FBXL3: variants seen among roughly 807,000 people sequenced by gnomAD.
FBXL3 encodes F-box and leucine rich repeat protein 3, also known as F-box/LRR-repeat protein 3.
Under a neutral mutation model 37.9 loss-of-function variants are expected in FBXL3, and 14 were observed. That is an observed-to-expected ratio of 0.37 (90% CI 0.24 to 0.58). The LOEUF is 0.58. FBXL3 is among the 20% of genes least tolerant of loss of function. FBXL3 has a pLI of 0.74. For synonymous variants in FBXL3, 194 were observed against 180.1 expected, an observed-to-expected ratio of 1.08 and a Z score of -0.62; for missense variants, 327 against 511.1, an observed-to-expected ratio of 0.64 and a Z score of 3.47.
In FBXL3 at chr13:77,006,910, C is replaced by T. The variant is rs2034460905; in HGVS notation, c.*235G>A. On this transcript the variant is annotated 3_prime_UTR_variant, in exon 5 of 5. Transcript: ENST00000355619. ...TACGTATAACTGGTTATTTCACATC[C>T]GAACCACATTAAAAAAAATTCGGAG... 6 of 1,340,382 alleles carry T rather than the reference C, an allele frequency of 4.5e-6. No individual in the cohort carries two copies. Among genetic ancestry groups the T allele is most frequent in the Admixed American group, 3.4e-5 (1 of 29,560 alleles). 83.0% of individuals were successfully genotyped at this position (1,340,382 alleles called of 1,614,324 possible).
rs1269421805 is a variant in FBXL3, at chr13:77,005,479, AAAC to A, written c.*1663_*1665del. 6.6e-6 allele frequency: 1 copy of A among 152,584 alleles called. No individual in the cohort carries two copies. The highest frequency in any genetic ancestry group is 1.5e-5 in the Non-Finnish European group (1 of 67,976). The allele number at this position is 152,584 out of a possible 1,614,324, so 9.5% of individuals were successfully genotyped here. A position where few individuals can be genotyped will look rare whatever the true frequency, so the allele number is the denominator to read the frequency against. On this transcript the variant is annotated 3_prime_UTR_variant, in exon 5 of 5. Transcript: ENST00000355619. ...CATTTTTCCAAAGTTGTTCAAGGAA[AAAC>A]AACAACTTGACTAGCACAGGTAATT...
At position 77,021,774 on chromosome 13, in the gene FBXL3, C is replaced by T. The variant is rs774896308; in HGVS notation, c.87G>A (p.Glu29=). 1.2e-6 allele frequency: 2 copies of T among 1,613,672 alleles called. No individual in the cohort carries two copies. Among genetic ancestry groups the T allele is most frequent in the East Asian group, 2.2e-5 (1 of 44,888 alleles). The change falls in exon 2 of 5, where the codon GAG becomes GAA. Residue 29 remains glutamate (E), a synonymous_variant. Transcript: ENST00000355619. ...TACCCCAATCACAAGTCTGAGAATGCTCATTTGTAGTCCTCAGTTTCTTGG... is the reference window on the plus strand; with the variant it reads ...TACCCCAATCACAAGTCTGAGAATGTTCATTTGTAGTCCTCAGTTTCTTGG... ...EKSKKLRTTN[E]HSQTCDWGNL... is the part of the protein sequence containing the mutation.
At position 77,018,709 on chromosome 13, in the gene FBXL3, TTGC is replaced by T; in HGVS notation, c.359_361del (p.Ser120del). 2 of 1,574,708 alleles carry T rather than the reference TTGC, an allele frequency of 1.3e-6. No individual in the cohort carries two copies. Among genetic ancestry groups the T allele is most frequent in the Non-Finnish European group, 1.7e-6 (2 of 1,163,806 alleles). On this transcript the variant is annotated inframe_deletion, in exon 3 of 5. Transcript: ENST00000355619. Reference sequence around the variant, plus strand: ...ATCACAAGCTGCTTCAGCTGATTCCTTGCTGCTGTCCACCTTAGAAAAGAAACA... The same window carrying T: ...ATCACAAGCTGCTTCAGCTGATTCCTTGCTGTCCACCTTAGAAAAGAAACA...
At chr13:77,026,283 T>G (rs866696900) in intron 1 of FBXL3, 22 of 985,426 alleles carry the variant, frequency 2.2e-5, no homozygotes, top group Middle Eastern at 5.2e-4. Flanking sequence ...TCAACACAAG[T>G]TGACCAAGTT....
chr13:77,018,689 A>T lies in FBXL3; in HGVS notation c.382T>A (p.Cys128Ser). The T allele has an allele frequency of 6.3e-7, 1 of 1,593,270 alleles. No homozygotes were observed. The highest frequency in any genetic ancestry group is 8.5e-7 in the Non-Finnish European group (1 of 1,171,216). The change falls in exon 3 of 5, where the codon TGT (cysteine) becomes AGT (serine). Residue 128 changes from cysteine to serine, a missense_variant. Physicochemically the swap from Cys to Ser is moderately radical, Grantham distance 112. Transcript: ENST00000355619. ...DSSKESAEAA[C>S]DILSQLVNCS... Reference sequence around the variant, plus strand: ...TTCACAAGTTGCGATAGTATATCACAAGCTGCTTCAGCTGATTCCTTGCTG... The same window carrying T: ...TTCACAAGTTGCGATAGTATATCACTAGCTGCTTCAGCTGATTCCTTGCTG...
Position 77,005,678 on chromosome 13 carries a change from C to T in FBXL3, c.*1467G>A, listed in dbSNP as rs1364131759. On this transcript the variant is annotated 3_prime_UTR_variant, in exon 5 of 5. Transcript: ENST00000355619. ...GTAGAAAATCACCTTTTGCTTTATT[C>T]TTAAGAAGGCCATCCGTTTTAAAAG... 2 of 152,018 alleles carry T rather than the reference C, an allele frequency of 1.3e-5. No individual in the cohort carries two copies. Among genetic ancestry groups the T allele is most frequent in the South Asian group, 2.1e-4 (1 of 4,828 alleles). The allele number at this position is 152,018 out of a possible 1,614,324, so 9.4% of individuals were successfully genotyped here.
intron 4 of FBXL3, chr13:77,014,869 T>A (rs1455151743): frequency 6.6e-6 from 1 of 152,158 alleles, no homozygotes; most frequent in Non-Finnish European, 1.5e-5. Flanking sequence ...AAATCCTATA[T>A]AAGAGAAACT....
rs780319441 is a variant in FBXL3, at chr13:77,021,667, T to G, written c.194A>C (p.Asn65Thr). Residue 65 changes from asparagine to threonine, a missense_variant, in exon 2 of 5, where the codon AAC becomes ACC. Asn to Thr is a moderately conservative substitution (Grantham distance 65). Transcript: ENST00000355619. The part of the protein sequence containing the change: ...DRAHASQVCR[N>T]WNQVFHMPDL... ...AGGCATGTGAAATACCTGGTTCCAG[T>G]TGCGGCAAACTTGTGAAGCATGAGC... 2.5e-6 allele frequency: 4 copies of G among 1,614,128 alleles called. No individual in the cohort carries two copies.
Position 77,007,874 on chromosome 13 carries a change from T to C in FBXL3, c.644-86A>G, listed in dbSNP as rs530863016. 6.3e-4 allele frequency: 727 copies of C among 1,147,166 alleles called. 10 individuals are homozygous for C. In the South Asian group the frequency reaches 0.012, roughly 19 times the overall value. The allele number at this position is 1,147,166 out of a possible 1,614,324, so 71.1% of individuals were successfully genotyped here. On this transcript the variant is annotated intron_variant, in intron 4 of 4. Coordinates refer to ENST00000355619, the MANE Select transcript of FBXL3 (RefSeq NM_012158.4). The stretch of plus-strand genomic sequence containing the variant: ...AATCAAGTACATGTCCCACAAAAGT[T>C]TGTCACAGTTCCCTTACCACAAAAC...
At chr13:77,015,124 A>T in intron 4 of FBXL3, 1 of 205,968 alleles carries the variant, frequency 4.9e-6, no homozygotes, top group Non-Finnish European at 9.6e-6. Flanking sequence ...TTAATGGAGC[A>T]CCTCAGGCTG....
chr13:77,015,344 T>A, intron 4 of FBXL3, 65 bp downstream of exon 4: 1 of 1,211,834 alleles, frequency 8.3e-7, no homozygotes, highest in Non-Finnish European at 1.1e-6. Flanking sequence ...ATGATCATAG[T>A]TTTTTCTAAT....
intron 4 of FBXL3, chr13:77,009,341 G>A (rs1038557403): frequency 6.6e-6 from 1 of 152,104 alleles, no homozygotes. Context: ...CTTTATTTTT[G>A]TTTTGAGATG....
At chr13:77,022,722 T>C (rs74413267) in intron 1 of FBXL3, among the ~76,000 whole-genome samples, 2,267 of 152,354 alleles carry the variant, frequency 0.015, 30 homozygotes, top group East Asian at 0.054. Context: ...TTTCCCCAAG[T>C]TGTGTTTCTG....
At chr13:77,018,468 C>T in intron 3 of FBXL3, 132 bp downstream of exon 3, 3 of 514,666 alleles carry the variant, frequency 5.8e-6, no homozygotes, top group Non-Finnish European at 6.0e-6. Flanking sequence ...TATTTTCATC[C>T]TAAATAGTAA....
At chr13:77,024,537 A>T (rs372111731) in intron 1 of FBXL3, among the ~76,000 whole-genome samples, 2 of 152,238 alleles carry the variant, frequency 1.3e-5, no homozygotes, top group African/African-American at 4.8e-5. Context: ...ACAAAAATAA[A>T]ATGGTAGCCT....
chr13:77,021,916 A>G, intron 1 of FBXL3, 55 bp from the exon 2 acceptor site: 1 of 1,386,466 alleles, frequency 7.2e-7, no homozygotes, highest in South Asian at 1.4e-5. Flanking sequence ...ATAGAAATAA[A>G]CTCAAAATTC....
rs775962229 is a variant in FBXL3 at position 77,007,547 on chromosome 13, T to C, written c.885A>G (p.Leu295=). The C allele has an allele frequency of 6.3e-7, 1 of 1,598,184 alleles. No individual in the cohort carries two copies. The highest frequency in any genetic ancestry group is 1.7e-5 in the Admixed American group (1 of 59,250). The change falls in exon 5 of 5, where the codon TTA becomes TTG. Residue 295 remains leucine (L), a synonymous_variant. Coordinates refer to ENST00000355619, the MANE Select transcript of FBXL3 (RefSeq NM_012158.4). ...AGAAGGGGTCAAATTCTTCTTCATATAAAAAAAAATACATCACTAAGTTCA... is the reference window on the plus strand; with the variant it reads ...AGAAGGGGTCAAATTCTTCTTCATACAAAAAAAAATACATCACTAAGTTCA... ...PKVNLVMYFF[L]YEEEFDPFFR... is the part of the protein sequence containing the mutation.
At position 77,020,085 on chromosome 13, in the gene FBXL3, G is replaced by A. The variant is rs183111040; in HGVS notation, c.349-1363C>T. Among the ~76,000 whole-genome samples the A allele has an allele frequency of 1.4e-3, 213 of 152,186 alleles. 1 individual carries two copies. The highest frequency in any genetic ancestry group is 4.9e-3 in the African/African-American group (205 of 41,526). ...CTAAAACCAAACAGAAACCTCTTTAGCCTTCTTCCCTGGGGGTATGGGGAT... is the reference window on the plus strand; with the variant it reads ...CTAAAACCAAACAGAAACCTCTTTAACCTTCTTCCCTGGGGGTATGGGGAT... On this transcript the variant is annotated intron_variant, in intron 2 of 4. Coordinates refer to ENST00000355619, the MANE Select transcript of FBXL3 (RefSeq NM_012158.4).
intron 4 of FBXL3, among the ~76,000 whole-genome samples, chr13:77,012,480 T>C (rs1298841495): frequency 1.3e-5 from 2 of 152,198 alleles, no homozygotes; most frequent in Non-Finnish European, 2.9e-5. Context: ...AGAACTATAA[T>C]GCAATGTTGG....
Sources: allele counts gnomAD v4.1 joint callset (sites outside exome capture counted in the v4.1 genomes callset), GRCh38; gene constraint gnomAD v4.1.1; transcripts MANE v1.5; gene names NCBI Gene and HGNC (gene_info 2026-07-23, HGNC 2026-07-21).